BBS9: variants seen among roughly 807,000 people sequenced by gnomAD.
The protein encoded by BBS9 is Bardet-Biedl syndrome 9.
Under a neutral mutation model 117.7 loss-of-function variants are expected in BBS9, and 89 were observed. The observed-to-expected ratio is 0.76, with a 90% CI of 0.64 to 0.90. The LOEUF (loss-of-function observed/expected upper bound fraction) is 0.90, where lower values mean the gene tolerates loss of function less well. Among genes scored for constraint, BBS9 ranks in the 40% least tolerant of loss-of-function variants. The pLI is 0.00. For missense variants in BBS9, 982 were observed against 1,042.2 expected (o/e 0.94, Z 0.80); for synonymous variants, 379 against 370.9 (o/e 1.02, Z -0.25).
At chr7:33,146,116 C>A in intron 1 of BBS9, 126 bp from the exon 2 acceptor site, 1 of 690,904 alleles carries the variant, frequency 1.4e-6, no homozygotes, top group Non-Finnish European at 2.5e-6. Context: ...AATATGTGTA[C>A]AAAATATTAA....
intron 21 of BBS9, among the ~76,000 whole-genome samples, chr7:33,575,027 A>G (rs1858551349): frequency 6.6e-6 from 1 of 152,038 alleles, no homozygotes; most frequent in African/African-American, 2.4e-5. Flanking sequence ...TTCTACTATT[A>G]TGTAACCTTA....
intron 19 of BBS9, among the ~76,000 whole-genome samples, chr7:33,432,252 GTGCCCGCCACCA>G (rs1350709416): frequency 6.7e-6 from 1 of 150,060 alleles, no homozygotes; most frequent in East Asian, 1.9e-4. Context: ...GGGACTACAG[GTGCCCGCCACCA>G]TGCCCGGCTA....
intron 10 of BBS9, among the ~76,000 whole-genome samples, chr7:33,337,139 A>G (rs1417739164): frequency 6.6e-6 from 1 of 152,150 alleles, no homozygotes; most frequent in Admixed American, 6.5e-5. Flanking sequence ...CTGATTTCTA[A>G]TGACTCAGAG....
At chr7:33,234,538 AT>A (rs1211318329) in intron 5 of BBS9, among the ~76,000 whole-genome samples, 1 of 152,026 alleles carries the variant, frequency 6.6e-6, no homozygotes, top group Non-Finnish European at 1.5e-5. Flanking sequence ...ACAATACAAT[AT>A]TTTTAAATAT....
chr7:33,355,232 A>G (rs1178655074), intron 15 of BBS9, among the ~76,000 whole-genome samples: 2 of 151,992 alleles, frequency 1.3e-5, no homozygotes, highest in African/African-American at 4.8e-5. Context: ...CTTTGGCTTC[A>G]GGTTCTTAGA....
intron 19 of BBS9, among the ~76,000 whole-genome samples, chr7:33,444,815 C>G (rs562582267): frequency 1.1e-4 from 17 of 152,262 alleles, no homozygotes; most frequent in African/African-American, 3.6e-4. Flanking sequence ...AGGACATGCC[C>G]AGTATAATCT....
At chr7:33,578,415 G>A (rs1009499575) in intron 21 of BBS9, among the ~76,000 whole-genome samples, 17 of 152,338 alleles carry the variant, frequency 1.1e-4, no homozygotes, top group African/African-American at 3.4e-4. Context: ...TTGTTCAGCT[G>A]TGGTCTGGAA....
chr7:33,540,514 G>A (rs1201401639), intron 21 of BBS9, among the ~76,000 whole-genome samples: 1 of 152,168 alleles, frequency 6.6e-6, no homozygotes, highest in African/African-American at 2.4e-5. Flanking sequence ...GGTGGTGTCT[G>A]AGTCTCCTCT....
intron 19 of BBS9, among the ~76,000 whole-genome samples, chr7:33,444,470 A>G (rs1007804121): frequency 6.6e-6 from 1 of 152,214 alleles, no homozygotes; most frequent in Non-Finnish European, 1.5e-5. Context: ...TAATCAGTTC[A>G]TATAAATTTG....
At chr7:33,555,615 G>T (rs1855173036) in intron 21 of BBS9, among the ~76,000 whole-genome samples, 1 of 152,090 alleles carries the variant, frequency 6.6e-6, no homozygotes, top group South Asian at 2.1e-4. Flanking sequence ...GAGAGGATTT[G>T]GTAGTTGATT....
intron 9 of BBS9, among the ~76,000 whole-genome samples, chr7:33,287,751 A>G (rs1216439045): frequency 2.0e-5 from 3 of 152,242 alleles, no homozygotes; most frequent in Non-Finnish European, 4.4e-5. Flanking sequence ...AAAAGGATAG[A>G]TACCCATATA....
chr7:33,389,692 A>G (rs946780201), intron 19 of BBS9, among the ~76,000 whole-genome samples: 1 of 53,706 alleles, frequency 1.9e-5, no homozygotes, highest in Non-Finnish European at 4.5e-5. Flanking sequence ...CCATCTAAAA[A>G]AAAAAAAAAA....
At chr7:33,628,206 A>G (rs1460668592) in intron 21 of BBS9, among the ~76,000 whole-genome samples, 1 of 152,148 alleles carries the variant, frequency 6.6e-6, no homozygotes, top group Non-Finnish European at 1.5e-5. Flanking sequence ...CAAAAACAGT[A>G]TTTAGGAAAC....
At chr7:33,179,253 A>G (rs1446559454) in intron 5 of BBS9, among the ~76,000 whole-genome samples, 1 of 152,242 alleles carries the variant, frequency 6.6e-6, no homozygotes, top group Non-Finnish European at 1.5e-5. Flanking sequence ...TGATAGCATA[A>G]CAGTGGTTCT....
chr7:33,182,546 A>C (rs1158712635), intron 5 of BBS9, among the ~76,000 whole-genome samples: 2 of 152,224 alleles, frequency 1.3e-5, no homozygotes, highest in African/African-American at 4.8e-5. Flanking sequence ...AATTTAGACC[A>C]AGTGTCTTTA....
At chr7:33,129,404 G>A (rs925141635), upstream of BBS9, 1 of 316,342 alleles carries the variant, frequency 3.2e-6, no homozygotes, top group Non-Finnish European at 5.8e-6. Flanking sequence ...GGACCAGGCC[G>A]TGGTTCACTC....
At chr7:33,215,506 G>A (rs530733633) in intron 5 of BBS9, among the ~76,000 whole-genome samples, 154 of 152,244 alleles carry the variant, frequency 1.0e-3, no homozygotes, top group Non-Finnish European at 4.3e-4. Context: ...AATGGATTAA[G>A]AACTTAATTA....
chr7:33,130,291 A>T (rs991227822), intron 1 of BBS9, among the ~76,000 whole-genome samples: 1 of 152,206 alleles, frequency 6.6e-6, no homozygotes, highest in Non-Finnish European at 1.5e-5. Context: ...GAGCATGAGC[A>T]TCCTCCTGAG....
intron 5 of BBS9, among the ~76,000 whole-genome samples, chr7:33,182,905 AG>A (rs1306012216): frequency 3.9e-5 from 6 of 152,148 alleles, no homozygotes; most frequent in African/African-American, 1.4e-4. Context: ...ATCCCAAAAA[AG>A]GGATGGGTAG....
Sources: allele counts gnomAD v4.1 joint callset (sites outside exome capture counted in the v4.1 genomes callset), GRCh38; gene constraint gnomAD v4.1.1; transcripts MANE v1.5; gene names NCBI Gene and HGNC (gene_info 2026-07-23, HGNC 2026-07-21).